AQP9: variants seen among roughly 807,000 people sequenced by gnomAD.
AQP9 encodes aquaporin 9, also known as aquaporin-9.
In AQP9, 19 loss-of-function variants were observed where a neutral mutation model predicts 23.8. That is an observed-to-expected ratio of 0.80 (90% CI 0.56 to 1.17). The LOEUF (loss-of-function observed/expected upper bound fraction) is 1.17, where lower values mean the gene tolerates loss of function less well. AQP9 is among the 50% of genes most tolerant of loss of function. The probability of loss-of-function intolerance (pLI) is 0.00; values close to 1 mark genes in which losing one functional copy is unlikely to be tolerated. For synonymous variants in AQP9, 153 were observed against 131.5 expected, an observed-to-expected ratio of 1.16 and a Z score of -1.12; for missense variants, 413 against 362.0, an observed-to-expected ratio of 1.14 and a Z score of -1.14.
At chr15:58,141,446 T>G (rs150011368) in intron 1 of AQP9, among the ~76,000 whole-genome samples, 210 of 152,370 alleles carry the variant, frequency 1.4e-3, no homozygotes, top group Admixed American at 9.0e-3. Context: ...ATTAGAGGTC[T>G]AACTTTTGGC....
rs1595724751 is a variant in AQP9, at chr15:58,141,755, C to T, written c.111+3079C>T. Reference sequence around the variant, plus strand: ...TTTGTCTCTCCATTTTGAGAGGATTCTCAATCAGACATGCTGGTTATAGAC... The same window carrying T: ...TTTGTCTCTCCATTTTGAGAGGATTTTCAATCAGACATGCTGGTTATAGAC... On this transcript the variant is annotated intron_variant, in intron 1 of 5. Coordinates refer to ENST00000219919, the MANE Select transcript of AQP9 (RefSeq NM_020980.5). Among the ~76,000 whole-genome samples, 2 of 152,274 alleles carry T rather than the reference C, an allele frequency of 1.3e-5. 1 individual carries two copies. The highest frequency in any genetic ancestry group is 4.1e-4 in the South Asian group (2 of 4,822).
At chr15:58,179,957 G>A (rs1898846137) in intron 5 of AQP9, among the ~76,000 whole-genome samples, 1 of 152,202 alleles carries the variant, frequency 6.6e-6, no homozygotes, top group African/African-American at 2.4e-5. Flanking sequence ...GCAAATGTGA[G>A]AGCTGACTTG....
chr15:58,141,219 C>T (rs1218131077), intron 1 of AQP9, among the ~76,000 whole-genome samples: 1 of 152,196 alleles, frequency 6.6e-6, no homozygotes, highest in Non-Finnish European at 1.5e-5. Context: ...TATGCTCACT[C>T]CTACTACTCT....
intron 1 of AQP9, among the ~76,000 whole-genome samples, chr15:58,163,050 C>G (rs574993465): frequency 8.3e-4 from 126 of 152,250 alleles, no homozygotes; most frequent in African/African-American, 3.0e-3. Context: ...GCTGAGTCAA[C>G]TAGAAGGTGG....
At position 58,184,281 on chromosome 15, in the gene AQP9, T is replaced by C; in HGVS notation, c.*146T>C. 1.2e-6 allele frequency: 1 copy of C among 821,058 alleles called. No homozygotes were observed. Among genetic ancestry groups the C allele is most frequent in the Non-Finnish European group, 1.9e-6 (1 of 535,892 alleles). The allele number at this position is 821,058 out of a possible 1,614,324, so 50.9% of individuals were successfully genotyped here. ...TGGGACATCTAATTGGAAAAGCATC[T>C]GCATAAAAGTTTGGAAACAATGACC... On this transcript the variant is annotated 3_prime_UTR_variant, in exon 6 of 6. Coordinates refer to ENST00000219919, the MANE Select transcript of AQP9 (RefSeq NM_020980.5).
chr15:58,168,495 T>C (rs1185099231), intron 2 of AQP9, among the ~76,000 whole-genome samples: 3 of 152,164 alleles, frequency 2.0e-5, no homozygotes, highest in Admixed American at 6.5e-5. Context: ...TGGGAGCTCC[T>C]TGGGCTGTGC....
chr15:58,165,370 T>A (rs935202), intron 1 of AQP9, among the ~76,000 whole-genome samples: 95,667 of 152,022 alleles, frequency 0.63, 31,385 homozygotes, highest in Admixed American at 0.74. Flanking sequence ...CCCATTTTTT[T>A]AAAAAAATTA....
chr15:58,140,489 T>A (rs7174943), intron 1 of AQP9, among the ~76,000 whole-genome samples: 2,056 of 152,346 alleles, frequency 0.013, 36 homozygotes, highest in African/African-American at 0.046. Flanking sequence ...TGAACCCTAA[T>A]AAAATCTGCA....
At position 58,179,212 on chromosome 15, in the gene AQP9, A is replaced by G. The variant is rs530834755; in HGVS notation, c.580A>G (p.Ile194Val). ...GGGAGCCCCCAGAGGCCTAGAGCCCATTGCCATCGGCCTCCTGATTATTGT... is the reference window on the plus strand; with the variant it reads ...GGGAGCCCCCAGAGGCCTAGAGCCCGTTGCCATCGGCCTCCTGATTATTGT... ...NLGAPRGLEPIAIGLLIIVIA... is the reference protein window; with the variant it reads ...NLGAPRGLEPVAIGLLIIVIA... Residue 194 changes from isoleucine to valine, a missense_variant, in exon 5 of 6, where the codon ATT becomes GTT. Transcript: ENST00000219919. 1.2e-6 allele frequency: 2 copies of G among 1,614,030 alleles called. No homozygotes were observed. The highest frequency in any genetic ancestry group is 2.2e-5 in the East Asian group (1 of 44,874).
chr15:58,144,192 A>G (rs186973244), intron 1 of AQP9, among the ~76,000 whole-genome samples: 3 of 151,756 alleles, frequency 2.0e-5, no homozygotes, highest in Admixed American at 2.0e-4. Context: ...TTGTTATAGG[A>G]TATTTATATT....
chr15:58,141,073 C>G (rs1432282483), intron 1 of AQP9, among the ~76,000 whole-genome samples: 1 of 152,148 alleles, frequency 6.6e-6, no homozygotes, highest in East Asian at 1.9e-4. Context: ...CTAATTTGGC[C>G]TTTTAGTCAT....
At chr15:58,147,062 A>G (rs1306426247) in intron 1 of AQP9, among the ~76,000 whole-genome samples, 3 of 152,154 alleles carry the variant, frequency 2.0e-5, no homozygotes, top group Admixed American at 6.5e-5. Flanking sequence ...GGCGCTTGGG[A>G]GAAAAGTCCG....
chr15:58,161,566 C>T (rs1898383066), intron 1 of AQP9, among the ~76,000 whole-genome samples: 1 of 152,152 alleles, frequency 6.6e-6, no homozygotes, highest in South Asian at 2.1e-4. Flanking sequence ...AACCCCATGA[C>T]TAGCAATGAA....
chr15:58,166,487 C>T (rs1361609738), intron 1 of AQP9, among the ~76,000 whole-genome samples, 186 bp from the exon 2 acceptor site: 1 of 152,214 alleles, frequency 6.6e-6, no homozygotes, highest in Non-Finnish European at 1.5e-5. Flanking sequence ...TATCTGTAAG[C>T]CAAATGCAGC....
intron 1 of AQP9, chr15:58,156,024 C>T (rs1436849839): frequency 6.6e-6 from 1 of 152,154 alleles, no homozygotes; most frequent in East Asian, 1.9e-4. Flanking sequence ...TCACCTTACA[C>T]CAATTACCGC....
At chr15:58,151,395 T>C (rs1055427751) in intron 1 of AQP9, 3 of 152,140 alleles carry the variant, frequency 2.0e-5, no homozygotes, top group Non-Finnish European at 4.4e-5. Context: ...ATAATCTGAA[T>C]TAACATAACT....
At chr15:58,176,160 T>C (rs1898749420) in intron 4 of AQP9, among the ~76,000 whole-genome samples, 1 of 152,186 alleles carries the variant, frequency 6.6e-6, no homozygotes, top group South Asian at 2.1e-4. Flanking sequence ...TTGTAAGCAG[T>C]ATCTGCCCAG....
At chr15:58,152,841 A>G (rs1212660561) in intron 1 of AQP9, 1 of 152,178 alleles carries the variant, frequency 6.6e-6, no homozygotes, top group East Asian at 1.9e-4. Flanking sequence ...CTAAGCTTCA[A>G]ACTAGACTAC....
At chr15:58,177,082 G>A (rs1281600407) in intron 4 of AQP9, among the ~76,000 whole-genome samples, 1 of 152,166 alleles carries the variant, frequency 6.6e-6, no homozygotes, top group Non-Finnish European at 1.5e-5. Flanking sequence ...TTAGGCTTTG[G>A]AGAGAGTTCC....
Sources: gnomAD v4.1 joint callset for allele counts (sites outside exome capture counted in the v4.1 genomes callset) on GRCh38, gnomAD v4.1.1 for gene constraint, MANE v1.5 for transcripts, NCBI Gene and HGNC (gene_info 2026-07-23, HGNC 2026-07-21) for gene names.